INPP4B: variants seen among roughly 807,000 people sequenced by gnomAD.
INPP4B encodes inositol polyphosphate 4-phosphatase type II.
INPP4B carries 55 observed loss-of-function variants against 122.5 expected under a neutral mutation model. That is an observed-to-expected ratio of 0.45 (90% CI 0.36 to 0.56). The LOEUF (loss-of-function observed/expected upper bound fraction) is 0.56, where lower values mean the gene tolerates loss of function less well. Ranked by LOEUF, INPP4B falls within the 20% of genes least tolerant of loss-of-function variation. The pLI is 0.00. For missense variants in INPP4B, 1,000 were observed against 1,097.7 expected, an observed-to-expected ratio of 0.91 and a Z score of 1.26; for synonymous variants, 403 against 388.7, an observed-to-expected ratio of 1.04 and a Z score of -0.43.
intron 16 of INPP4B, among the ~76,000 whole-genome samples, chr4:142,170,865 G>C (rs1497133): frequency 0.094 from 14,237 of 151,690 alleles, 2,275 homozygotes; most frequent in African/African-American, 0.32. Flanking sequence ...TTTATAAATT[G>C]TATGTGTTTG....
intron 2 of INPP4B, among the ~76,000 whole-genome samples, chr4:142,484,230 A>G (rs762415837): frequency 1.3e-5 from 2 of 152,104 alleles, no homozygotes; most frequent in Non-Finnish European, 2.9e-5. Context: ...CAATTAATAC[A>G]GATTTGCTCA....
intron 15 of INPP4B, among the ~76,000 whole-genome samples, chr4:142,176,409 C>T (rs1359659659): frequency 1.3e-5 from 2 of 151,952 alleles, no homozygotes; most frequent in Admixed American, 6.6e-5. Flanking sequence ...CTCTCATACA[C>T]TCACTTCTAT....
chr4:142,824,716 C>T (rs1781236533), intron 1 of INPP4B, among the ~76,000 whole-genome samples: 1 of 151,774 alleles, frequency 6.6e-6, no homozygotes, highest in African/African-American at 2.4e-5. Flanking sequence ...GGTTGAATGC[C>T]TCTCTCTCAA....
chr4:142,376,565 T>C (rs1410439000), intron 7 of INPP4B, among the ~76,000 whole-genome samples: 1 of 152,060 alleles, frequency 6.6e-6, no homozygotes, highest in Non-Finnish European at 1.5e-5. Context: ...TAGACACCTG[T>C]GGACACTTCA....
chr4:142,715,669 C>T (rs1763670793), intron 2 of INPP4B, among the ~76,000 whole-genome samples: 3 of 152,162 alleles, frequency 2.0e-5, no homozygotes, highest in South Asian at 2.1e-4. Flanking sequence ...CAGAAGAGAG[C>T]CCTGGGAAGG....
chr4:142,616,507 T>G (rs1341308497), intron 2 of INPP4B, among the ~76,000 whole-genome samples: 1 of 152,190 alleles, frequency 6.6e-6, no homozygotes, highest in East Asian at 1.9e-4. Flanking sequence ...GTGCTTAGCA[T>G]GTTAAAGAGC....
intron 2 of INPP4B, among the ~76,000 whole-genome samples, chr4:142,622,151 A>T (rs1465339909): frequency 6.6e-6 from 1 of 151,968 alleles, no homozygotes; most frequent in Non-Finnish European, 1.5e-5. Context: ...TTGCAATTTT[A>T]TGGCAAACTA....
At chr4:142,602,227 C>A (rs1740166172) in intron 2 of INPP4B, among the ~76,000 whole-genome samples, 1 of 151,858 alleles carries the variant, frequency 6.6e-6, no homozygotes, top group Non-Finnish European at 1.5e-5. Context: ...AACTCTCATT[C>A]ACAATTGCTA....
At chr4:142,561,406 GT>G (rs1246889592) in intron 2 of INPP4B, among the ~76,000 whole-genome samples, 1 of 137,640 alleles carries the variant, frequency 7.3e-6, no homozygotes, top group African/African-American at 2.7e-5. Flanking sequence ...AAGTTTCTTT[GT>G]TTTTTTGTTT....
At chr4:142,069,815 CA>C (rs1765928925) in intron 25 of INPP4B, among the ~76,000 whole-genome samples, 1 of 152,164 alleles carries the variant, frequency 6.6e-6, no homozygotes, top group Non-Finnish European at 1.5e-5. Context: ...AGACCAATAA[CA>C]GGCTCTGAAA....
intron 2 of INPP4B, among the ~76,000 whole-genome samples, chr4:142,632,213 T>C (rs958429297): frequency 1.3e-5 from 2 of 152,192 alleles, no homozygotes; most frequent in Non-Finnish European, 2.9e-5. Flanking sequence ...CGACATGGGG[T>C]CACCTTTGTT....
chr4:142,614,779 A>C (rs1473757320), intron 2 of INPP4B, among the ~76,000 whole-genome samples: 2 of 152,168 alleles, frequency 1.3e-5, no homozygotes, highest in African/African-American at 2.4e-5. Flanking sequence ...ACCTATAAAC[A>C]TATGGGAAAA....
chr4:142,039,457 C>T (rs1471205018), intron 25 of INPP4B, among the ~76,000 whole-genome samples: 2 of 151,880 alleles, frequency 1.3e-5, no homozygotes, highest in Non-Finnish European at 2.9e-5. Flanking sequence ...TCAGAAGAAG[C>T]CAGGTACTAA....
At chr4:142,134,512 G>T (rs1396361834) in intron 18 of INPP4B, among the ~76,000 whole-genome samples, 1 of 152,102 alleles carries the variant, frequency 6.6e-6, no homozygotes, top group Non-Finnish European at 1.5e-5. Flanking sequence ...GGCATATTTT[G>T]ATTATTTAAG....
intron 23 of INPP4B, among the ~76,000 whole-genome samples, chr4:142,095,303 G>A (rs1781351186): frequency 6.6e-6 from 1 of 152,174 alleles, no homozygotes; most frequent in South Asian, 2.1e-4. Flanking sequence ...AATAAAGAGT[G>A]AATGTTTGGA....
intron 8 of INPP4B, among the ~76,000 whole-genome samples, chr4:142,312,849 A>G (rs1386113345): frequency 1.3e-5 from 2 of 152,182 alleles, no homozygotes; most frequent in Non-Finnish European, 2.9e-5. Flanking sequence ...CCAGCAAATC[A>G]GTATCTGCCA....
At chr4:142,178,250 CA>C (rs1331437734) in intron 15 of INPP4B, among the ~76,000 whole-genome samples, 1 of 152,118 alleles carries the variant, frequency 6.6e-6, no homozygotes, top group Non-Finnish European at 1.5e-5. Flanking sequence ...CCTTTTCCTT[CA>C]AAATATACCC....
chr4:142,641,428 C>T (rs937717750), intron 2 of INPP4B, among the ~76,000 whole-genome samples: 3 of 143,632 alleles, frequency 2.1e-5, no homozygotes, highest in Non-Finnish European at 4.6e-5. Flanking sequence ...CCTCCCCCCA[C>T]CCCACAACAG....
intron 2 of INPP4B, among the ~76,000 whole-genome samples, chr4:142,491,073 T>C (rs1332121084): frequency 6.6e-6 from 1 of 152,194 alleles, no homozygotes; most frequent in Non-Finnish European, 1.5e-5. Flanking sequence ...ACACTTTAGA[T>C]ATATACTCAG....
Sources: gnomAD v4.1 joint callset for allele counts (sites outside exome capture counted in the v4.1 genomes callset) on GRCh38, gnomAD v4.1.1 for gene constraint, MANE v1.5 for transcripts, NCBI Gene and HGNC (gene_info 2026-07-23, HGNC 2026-07-21) for gene names.